The following PDE7A variants were observed in gnomAD, a reference collection of about 807,000 sequenced individuals.
The protein encoded by PDE7A is phosphodiesterase 7A.
A neutral mutation model predicts 64.3 loss-of-function variants in PDE7A; 39 were observed. That is an observed-to-expected ratio of 0.61 (90% CI 0.47 to 0.79). The LOEUF (loss-of-function observed/expected upper bound fraction) is 0.79, where lower values mean the gene tolerates loss of function less well. Ranked by LOEUF, PDE7A falls within the 30% of genes least tolerant of loss-of-function variation. PDE7A has a pLI of 0.00. For missense variants in PDE7A, 470 were observed against 582.8 expected (o/e 0.81, Z 1.99); for synonymous variants, 203 against 206.8 (o/e 0.98, Z 0.16).
Position 65,719,185 on chromosome 8 carries a change from C to A in PDE7A, c.*105G>T. On this transcript the variant is annotated 3_prime_UTR_variant, in exon 13 of 13. Transcript: ENST00000401827. ...ATAAATAATGCTGGCTGGCATCACT[C>A]ACTTGGAAACCTTGGCAGTCAAGAG... 1.4e-6 allele frequency: 1 copy of A among 735,740 alleles called. No individual in the cohort carries two copies. The highest frequency in any genetic ancestry group is 1.6e-5 in the South Asian group (1 of 62,170). 45.6% of individuals were successfully genotyped at this position (735,740 alleles called of 1,614,324 possible). A position where few individuals can be genotyped will look rare whatever the true frequency, so the allele number is the denominator to read the frequency against.
At chr8:65,798,398 TG>T (rs1489404788) in intron 1 of PDE7A, among the ~76,000 whole-genome samples, 1 of 151,662 alleles carries the variant, frequency 6.6e-6, no homozygotes, top group Non-Finnish European at 1.5e-5. Context: ...TTACTAGAGA[TG>T]GGGTTTCACC....
intron 1 of PDE7A, among the ~76,000 whole-genome samples, chr8:65,837,701 T>G (rs1344191368): frequency 6.6e-6 from 1 of 152,236 alleles, no homozygotes; most frequent in Admixed American, 6.5e-5. Flanking sequence ...TATATGCTAG[T>G]GATAAGCAAT....
At chr8:65,807,822 C>T (rs78219068) in intron 1 of PDE7A, among the ~76,000 whole-genome samples, 17,775 of 152,160 alleles carry the variant, frequency 0.12, 1,060 homozygotes, top group Middle Eastern at 0.14. Context: ...TGTTGTATTA[C>T]ATCAGTAGCA....
intron 1 of PDE7A, among the ~76,000 whole-genome samples, chr8:65,793,119 C>A (rs1459859637): frequency 6.6e-6 from 1 of 152,084 alleles, no homozygotes; most frequent in East Asian, 1.9e-4. Flanking sequence ...CCAAACAGAG[C>A]CCCATGCTAC....
intron 3 of PDE7A, among the ~76,000 whole-genome samples, chr8:65,758,659 A>C (rs1025000725): frequency 3.3e-5 from 5 of 152,118 alleles, no homozygotes; most frequent in African/African-American, 9.7e-5. Context: ...CTTATCTTTC[A>C]AACTATACTC....
chr8:65,790,681 G>T (rs1809676235), intron 1 of PDE7A, among the ~76,000 whole-genome samples: 1 of 152,028 alleles, frequency 6.6e-6, no homozygotes. Context: ...TTAACACATG[G>T]CCATAAAATT....
At chr8:65,759,968 G>A (rs551472821) in intron 3 of PDE7A, among the ~76,000 whole-genome samples, 4 of 152,152 alleles carry the variant, frequency 2.6e-5, no homozygotes, top group South Asian at 2.1e-4. Flanking sequence ...AGCTGAGCAC[G>A]GTGGCTCACA....
Position 65,719,104 on chromosome 8 carries a change from T to TC in PDE7A, c.*185dup, listed in dbSNP as rs1402876339. 1.7e-6 allele frequency: 1 copy of TC among 596,030 alleles called. No individual in the cohort carries two copies. The highest frequency in any genetic ancestry group is 1.9e-5 in the African/African-American group (1 of 53,820). The allele number at this position is 596,030 out of a possible 1,614,324, so 36.9% of individuals were successfully genotyped here. On this transcript the variant is annotated 3_prime_UTR_variant, in exon 13 of 13. Coordinates refer to ENST00000401827, the MANE Select transcript of PDE7A (RefSeq NM_001242318.3). The stretch of plus-strand genomic sequence containing the variant: ...AAGCCAAATTCATATTGCTGTATGT[T>TC]CGGGTCTTGCAATTAACAAGTGGGT...
At position 65,714,836 on chromosome 8, in the gene PDE7A, C is replaced by T. The variant is rs931431326; in HGVS notation, c.*4454G>A. The T allele has an allele frequency of 6.6e-6, 1 of 152,186 alleles. No homozygotes were observed. The highest frequency in any genetic ancestry group is 2.1e-4 in the South Asian group (1 of 4,830). The allele number at this position is 152,186 out of a possible 1,614,324, so 9.4% of individuals were successfully genotyped here. On this transcript the variant is annotated 3_prime_UTR_variant, in exon 13 of 13. Coordinates refer to ENST00000401827, the MANE Select transcript of PDE7A (RefSeq NM_001242318.3). Reference sequence around the variant, plus strand: ...CATTTTCAGAATCTTCAAGGAATTACTAGCACCTCTAATCTGTACCTCAGG... The same window carrying T: ...CATTTTCAGAATCTTCAAGGAATTATTAGCACCTCTAATCTGTACCTCAGG...
chr8:65,797,480 C>T (rs535430763), intron 1 of PDE7A, among the ~76,000 whole-genome samples: 14 of 152,120 alleles, frequency 9.2e-5, no homozygotes, highest in Non-Finnish European at 1.8e-4. Flanking sequence ...CAACTGCCTC[C>T]GGGGGGCAAG....
At chr8:65,808,708 C>T (rs902332891) in intron 1 of PDE7A, among the ~76,000 whole-genome samples, 2 of 152,022 alleles carry the variant, frequency 1.3e-5, no homozygotes, top group African/African-American at 4.8e-5. Flanking sequence ...TTTATATTTT[C>T]AAGAGGAAGA....
chr8:65,834,179 C>T (rs1810897865), intron 1 of PDE7A, among the ~76,000 whole-genome samples: 1 of 151,944 alleles, frequency 6.6e-6, no homozygotes, highest in Non-Finnish European at 1.5e-5. Context: ...CAGACCAATC[C>T]CTCCTCTTCC....
chr8:65,825,422 C>T (rs1020661946), intron 1 of PDE7A, among the ~76,000 whole-genome samples: 7 of 152,306 alleles, frequency 4.6e-5, no homozygotes, highest in Admixed American at 1.3e-4. Context: ...TCAGCCTCCA[C>T]ACCAGCATAG....
intron 1 of PDE7A, among the ~76,000 whole-genome samples, chr8:65,836,497 T>C (rs1810955783): frequency 6.6e-6 from 1 of 152,222 alleles, no homozygotes; most frequent in Admixed American, 6.5e-5. Flanking sequence ...GATAGATCCT[T>C]TTGTGAATTT....
At chr8:65,787,611 G>C (rs1809595153) in intron 1 of PDE7A, among the ~76,000 whole-genome samples, 1 of 151,738 alleles carries the variant, frequency 6.6e-6, no homozygotes, top group African/African-American at 2.4e-5. Flanking sequence ...TATTAGCATT[G>C]TTTTTGTTTA....
At chr8:65,730,049 A>G (rs1034557051) in intron 7 of PDE7A, among the ~76,000 whole-genome samples, 11 of 152,058 alleles carry the variant, frequency 7.2e-5, no homozygotes, top group Admixed American at 6.5e-4. Context: ...GGTGCACAGC[A>G]GGAGGTGAGC....
At chr8:65,758,809 T>A (rs1808355134) in intron 3 of PDE7A, among the ~76,000 whole-genome samples, 1 of 152,186 alleles carries the variant, frequency 6.6e-6, no homozygotes. Context: ...ATTTGCATCT[T>A]CCACAAGTAA....
chr8:65,829,197 C>T (rs996660481), intron 1 of PDE7A, among the ~76,000 whole-genome samples: 3 of 151,952 alleles, frequency 2.0e-5, no homozygotes, highest in African/African-American at 7.2e-5. Flanking sequence ...ACTTTTGTTC[C>T]CCAAGGTGAA....
intron 1 of PDE7A, among the ~76,000 whole-genome samples, chr8:65,839,947 T>G (rs1477473046): frequency 6.6e-6 from 1 of 152,206 alleles, no homozygotes; most frequent in African/African-American, 2.4e-5. Flanking sequence ...TAACTGGAAA[T>G]GAGTTGCTAG....
Sources: gnomAD v4.1 joint callset for allele counts (sites outside exome capture counted in the v4.1 genomes callset) on GRCh38, gnomAD v4.1.1 for gene constraint, MANE v1.5 for transcripts, NCBI Gene and HGNC (gene_info 2026-07-23, HGNC 2026-07-21) for gene names.